Variants in CEP78 observed in about 807,000 individuals in gnomAD.
CEP78 encodes centrosomal protein 78, also known as centrosomal protein of 78 kDa.
CEP78 carries 76 observed loss-of-function variants against 81.2 expected under a neutral mutation model. The ratio of observed to expected loss-of-function variants is 0.94; its 90% CI spans 0.78 to 1.13. The LOEUF is 1.13. Ranked by LOEUF, CEP78 falls within the 50% of genes most tolerant of loss-of-function variation. CEP78 has a pLI of 0.00. For synonymous variants in CEP78, 293 were observed against 301.4 expected (o/e 0.97, Z 0.29); for missense variants, 918 against 846.8 (o/e 1.08, Z -1.04).
rs1826174124 is a variant in CEP78 at position 78,240,452 on chromosome 9, T to C, written c.499+88T>C. 9 of 1,080,290 alleles carry C rather than the reference T, an allele frequency of 8.3e-6. No homozygotes were observed. The East Asian group carries it at 2.1e-4, about 25-fold the overall frequency. The allele number at this position is 1,080,290 out of a possible 1,614,324, so 66.9% of individuals were successfully genotyped here. ...ATGTTAATTCCTGTCTGTACCTTTTTTCTTACTACTGCCTCATATGCTTGT... is the reference window on the plus strand; with the variant it reads ...ATGTTAATTCCTGTCTGTACCTTTTCTCTTACTACTGCCTCATATGCTTGT... On this transcript the variant is annotated intron_variant, in intron 3 of 16. Coordinates refer to ENST00000643273, the MANE Select transcript of CEP78 (RefSeq NM_001330691.3).
intron 8 of CEP78, chr9:78,249,188 ACT>A (rs1826640541): frequency 6.5e-6 from 1 of 154,466 alleles, no homozygotes; most frequent in Non-Finnish European, 1.4e-5. Flanking sequence ...TTTGGGATGC[ACT>A]TTGATGACAG....
chr9:78,253,360 T>C lies in CEP78; in HGVS notation c.1251+83T>C, dbSNP rs868585157. ...CATTCTCTGTGCTCTTTAAATTGAA[T>C]AGAGTCGTAAGAAACATTTCCCTCC... On this transcript the variant is annotated intron_variant, in intron 10 of 16. Transcript: ENST00000643273. 2.9e-5 allele frequency: 22 copies of C among 753,822 alleles called. No individual in the cohort carries two copies. The African/African-American group carries it at 3.3e-4, about 11-fold the overall frequency. The allele number at this position is 753,822 out of a possible 1,614,324, so 46.7% of individuals were successfully genotyped here.
At chr9:78,264,346 C>T (rs1237201198) in intron 13 of CEP78, 30 bp downstream of exon 13, 2 of 1,598,506 alleles carry the variant, frequency 1.3e-6, no homozygotes, top group South Asian at 1.1e-5. Flanking sequence ...TGACATTCGT[C>T]CCTCCATGAC....
chr9:78,238,234 C>T (rs560021530), intron 1 of CEP78, among the ~76,000 whole-genome samples: 4 of 152,054 alleles, frequency 2.6e-5, no homozygotes, highest in Non-Finnish European at 4.4e-5. Flanking sequence ...TTTACAGCAG[C>T]GTCTGTAAGT....
intron 3 of CEP78, among the ~76,000 whole-genome samples, chr9:78,241,145 C>G (rs6559372): frequency 0.97 from 148,311 of 152,234 alleles, 72,265 homozygotes; most frequent in East Asian, 1. Flanking sequence ...GGTGACTGTT[C>G]GTTGGGATCC....
intron 11 of CEP78, 89 bp from the exon 12 acceptor site, chr9:78,262,818 C>T: frequency 1.4e-6 from 1 of 730,082 alleles, no homozygotes; most frequent in East Asian, 2.8e-5. Flanking sequence ...GGCTCTGTCC[C>T]TAAACACTTG....
Position 78,236,514 on chromosome 9 carries a change from G to A in CEP78, c.164G>A (p.Trp55Ter). The A allele has an allele frequency of 1.2e-6, 2 of 1,606,894 alleles. No homozygotes were observed. The highest frequency in any genetic ancestry group is 2.2e-5 in the South Asian group (2 of 89,676). ...FNADRLRGVD[W>*]APLLSTLKIN... The stretch of plus-strand genomic sequence containing the variant: ...GCCGACCGCCTCCGCGGGGTGGACT[G>A]GGCGCCTCTGCTGAGCACCCTCAAG... Residue 55 changes from tryptophan (W) to a stop codon, truncating the protein, a stop_gained, in exon 1 of 17, where the codon TGG becomes TAG. Transcript: ENST00000643273. LOFTEE classifies it high-confidence loss of function.
chr9:78,253,541 A>T (rs1563988152), intron 10 of CEP78: 1 of 378,506 alleles, frequency 2.6e-6, no homozygotes, highest in African/African-American at 2.0e-5. Context: ...AGCAAAACAA[A>T]TTTGACCACC....
chr9:78,279,066 G>GAAAAAAAAAAAAA lies in CEP78; in HGVS notation c.*8217_*8229dup, dbSNP rs375822706. ...TGTACATTTTAAACCACTGTGAACT[G>GAAAAAAAAAAAAA]AAAAAAAAAAAAAAGGCAACCTTGG... On this transcript the variant is annotated 3_prime_UTR_variant, in exon 17 of 17. Coordinates refer to ENST00000643273, the MANE Select transcript of CEP78 (RefSeq NM_001330691.3). 1.6e-5 allele frequency: 2 copies of GAAAAAAAAAAAAA among 121,630 alleles called. 1 individual carries two copies. The highest frequency in any genetic ancestry group is 6.2e-5 in the African/African-American group (2 of 32,254). The allele number at this position is 121,630 out of a possible 1,614,324, so 7.5% of individuals were successfully genotyped here.
chr9:78,239,959 C>A, intron 1 of CEP78, 64 bp from the exon 2 acceptor site: 1 of 1,327,264 alleles, frequency 7.5e-7, no homozygotes, highest in Non-Finnish European at 1.0e-6. Flanking sequence ...TAGCACAGAG[C>A]AGATGTTTTT....
At chr9:78,255,156 A>T (rs1291426305) in intron 11 of CEP78, among the ~76,000 whole-genome samples, 192 bp downstream of exon 11, 1 of 152,182 alleles carries the variant, frequency 6.6e-6, no homozygotes, top group African/African-American at 2.4e-5. Context: ...TCTAAGAAAT[A>T]AAAATTGAAA....
In CEP78 at chr9:78,241,094, C is replaced by CT. The variant is rs149570040; in HGVS notation, c.500-600dup. ...TAGGAGCATATAAAAGGCTGACAGACTTGGGGGGAAAGGGTTGGGATCATG... is the reference window on the plus strand; with the variant it reads ...TAGGAGCATATAAAAGGCTGACAGACTTTGGGGGGAAAGGGTTGGGATCATG... On this transcript the variant is annotated intron_variant, in intron 3 of 16. Transcript: ENST00000643273. Among the ~76,000 whole-genome samples the CT allele has an allele frequency of 1.5e-3, 227 of 152,110 alleles. 5 individuals carry two copies. In the East Asian group the frequency reaches 0.037, roughly 25 times the overall value.
At chr9:78,237,122 A>G (rs1303179138) in intron 1 of CEP78, among the ~76,000 whole-genome samples, 1 of 151,292 alleles carries the variant, frequency 6.6e-6, no homozygotes, top group Non-Finnish European at 1.5e-5. Flanking sequence ...CTGGGATTAC[A>G]GGCGCGCGCC....
intron 11 of CEP78, among the ~76,000 whole-genome samples, chr9:78,256,605 T>C (rs1827046492): frequency 1.4e-5 from 2 of 142,416 alleles, no homozygotes; most frequent in Admixed American, 7.6e-5. Flanking sequence ...GGATCTCGGC[T>C]CACTGCAAGC....
At position 78,248,864 on chromosome 9, in the gene CEP78, A is replaced by G. The variant is rs1203684987; in HGVS notation, c.1060A>G (p.Ile354Val). 6.5e-6 allele frequency: 10 copies of G among 1,548,932 alleles called. No individual in the cohort carries two copies. Among genetic ancestry groups the G allele is most frequent in the Admixed American group, 3.7e-5 (2 of 54,282 alleles). Residue 354 changes from isoleucine (I) to valine (V), a missense_variant, in exon 8 of 17, where the codon ATT becomes GTT. Physicochemically the swap from Ile to Val is conservative, Grantham distance 29. Transcript: ENST00000643273. ...LGSGHKGKAT[I>V]RIGLATKKPV... is the part of the protein sequence containing the mutation. ...AAGTGGTCACAAAGGAAAAGCTACT[A>G]TTAGAATTGGTAACCTTTTCTGTCT...
In CEP78 at chr9:78,269,277, G is replaced by T. The variant is rs140068890; in HGVS notation, c.2108-1564G>T. Reference sequence around the variant, plus strand: ...GGTGGACTTGTGTTTCTGTGACTAAGGTTGGGTGGTGGTATCATTGAGGCT... The same window carrying T: ...GGTGGACTTGTGTTTCTGTGACTAATGTTGGGTGGTGGTATCATTGAGGCT... On this transcript the variant is annotated intron_variant, in intron 16 of 16. Coordinates refer to ENST00000643273, the MANE Select transcript of CEP78 (RefSeq NM_001330691.3). Among the ~76,000 whole-genome samples, 667 of 152,268 alleles carry T rather than the reference G, an allele frequency of 4.4e-3. 4 individuals carry two copies. The highest frequency in any genetic ancestry group is 0.024 in the Middle Eastern group (7 of 294).
At chr9:78,266,914 A>G (rs1419091932) in intron 16 of CEP78, 1 of 1,427,924 alleles carries the variant, frequency 7.0e-7, no homozygotes, top group Non-Finnish European at 9.1e-7. Context: ...AATAAAAGTA[A>G]ATCCAGTCCA....
intron 10 of CEP78, chr9:78,253,770 G>C (rs948378359): frequency 6.6e-6 from 1 of 152,664 alleles, no homozygotes; most frequent in African/African-American, 2.4e-5. Context: ...TGGTATTAGA[G>C]CAAGTGAATT....
chr9:78,251,700 C>G (rs985633604), intron 8 of CEP78, among the ~76,000 whole-genome samples: 1 of 150,840 alleles, frequency 6.6e-6, no homozygotes, highest in Non-Finnish European at 1.5e-5. Flanking sequence ...ATATTTATTA[C>G]TTATATTTAA....
Sources: gnomAD v4.1 joint callset for allele counts (sites outside exome capture counted in the v4.1 genomes callset) on GRCh38, gnomAD v4.1.1 for gene constraint, MANE v1.5 for transcripts, NCBI Gene and HGNC (gene_info 2026-07-23, HGNC 2026-07-21) for gene names.